Variants in CMPK2 observed in about 807,000 individuals in gnomAD.
CMPK2 encodes the protein cytidine/uridine monophosphate kinase 2, also known as UMP-CMP kinase 2, mitochondrial.
In CMPK2, 32 loss-of-function variants were observed where a neutral mutation model predicts 33.4. The ratio of observed to expected loss-of-function variants is 0.96; its 90% CI spans 0.72 to 1.29. CMPK2 has a LOEUF of 1.29. Ranked by LOEUF, CMPK2 falls within the 50% of genes most tolerant of loss-of-function variation. The probability of loss-of-function intolerance (pLI) is 0.00; values close to 1 mark genes in which losing one functional copy is unlikely to be tolerated. For missense variants in CMPK2, 672 were observed against 616.0 expected (o/e 1.09, Z -0.96); for synonymous variants, 299 against 275.3 (o/e 1.09, Z -0.85).
chr2:6,863,096 G>A (rs1036555039), intron 2 of CMPK2, among the ~76,000 whole-genome samples: 1 of 152,098 alleles, frequency 6.6e-6, no homozygotes, highest in East Asian at 1.9e-4. Context: ...CTTTGCCCAG[G>A]CTATTTCTTC....
At chr2:6,860,177 G>A (rs983147862) in intron 3 of CMPK2, among the ~76,000 whole-genome samples, 1 of 152,186 alleles carries the variant, frequency 6.6e-6, no homozygotes, top group African/African-American at 2.4e-5. Context: ...ACTGTATCTA[G>A]GAAATAACTA....
chr2:6,866,414 GCA>G, upstream of CMPK2: 1 of 984,838 alleles, frequency 1.0e-6, no homozygotes, highest in Non-Finnish European at 1.2e-6. Flanking sequence ...ACTCACCTTT[GCA>G]CACACTCACC....
chr2:6,865,451 G>C lies in CMPK2; in HGVS notation c.246C>G (p.Asp82Glu). The C allele has an allele frequency of 7.8e-7, 1 of 1,278,824 alleles. No homozygotes were observed. Among genetic ancestry groups the C allele is most frequent in the Non-Finnish European group, 9.8e-7 (1 of 1,017,672 alleles). The allele number at this position is 1,278,824 out of a possible 1,614,324, so 79.2% of individuals were successfully genotyped here. A position where few individuals can be genotyped will look rare whatever the true frequency, so the allele number is the denominator to read the frequency against. ...SYSLCVPVTP[D>E]AGCGARVRAA... ...CCCGGACCCGGGCCCCGCAGCCGGC[G>C]TCCGGGGTCACGGGCACGCACAGCG... Residue 82 changes from aspartate to glutamate, a missense_variant, in exon 1 of 5, where the codon GAC (aspartate) becomes GAG (glutamate). By Grantham distance (45) the Asp-to-Glu change is conservative (BLOSUM62 2). Transcript: ENST00000256722.
chr2:6,862,983 C>CT (rs1259858341), intron 2 of CMPK2, among the ~76,000 whole-genome samples: 2 of 151,938 alleles, frequency 1.3e-5, no homozygotes, highest in African/African-American at 2.4e-5. Flanking sequence ...GCTCAGAAGG[C>CT]TTTTTTTTCT....
chr2:6,861,391 G>C lies in CMPK2; in HGVS notation c.791-6C>G, dbSNP rs1662878493. 2.5e-6 allele frequency: 4 copies of C among 1,611,874 alleles called. No homozygotes were observed. The East Asian group carries it at 8.9e-5, about 36-fold the overall frequency. On this transcript the variant is annotated splice_polypyrimidine_tract_variant and splice_region_variant and intron_variant, in intron 2 of 4. Coordinates refer to ENST00000256722, the MANE Select transcript of CMPK2 (RefSeq NM_207315.4). ...CTGGGTCACCGTGGTTTTACCTGCA[G>C]GTCATACACAAAATATATACATCTT...
At chr2:6,861,693 C>T (rs1662887502) in intron 2 of CMPK2, among the ~76,000 whole-genome samples, 5 of 152,182 alleles carry the variant, frequency 3.3e-5, no homozygotes, top group Admixed American at 3.3e-4. Context: ...TGTCCCCCAC[C>T]CAGAAGACTT....
chr2:6,840,655 T>C (rs887437724), exon 4 of CMPK2: 4 of 701,950 alleles, frequency 5.7e-6, no homozygotes, highest in Non-Finnish European at 1.0e-5. Flanking sequence ...AGAAGGATGG[T>C]ATAAGGTTCC....
At chr2:6,860,620 T>C (rs924187702) in intron 3 of CMPK2, among the ~76,000 whole-genome samples, 2 of 152,230 alleles carry the variant, frequency 1.3e-5, no homozygotes, top group Non-Finnish European at 1.5e-5. Context: ...CCCAGCCCCA[T>C]GGAACTGTAA....
At chr2:6,865,950 G>A, upstream of CMPK2, 4 of 1,280,418 alleles carry the variant, frequency 3.1e-6, no homozygotes, top group Non-Finnish European at 4.1e-6. Context: ...GCTTGGCCCC[G>A]GGGCCCCAGG....
chr2:6,866,497 G>C (rs755199990), upstream of CMPK2: 126 of 985,096 alleles, frequency 1.3e-4, no homozygotes, highest in Non-Finnish European at 1.5e-4. Context: ...GGGAAGTGTC[G>C]CCCAGATTGG....
intron 2 of CMPK2, among the ~76,000 whole-genome samples, chr2:6,862,818 C>T (rs1662922607): frequency 6.6e-6 from 1 of 152,214 alleles, no homozygotes; most frequent in South Asian, 2.1e-4. Flanking sequence ...CAAGTTTACA[C>T]AGGAGGAGAA....
chr2:6,847,717 G>T (rs116734524), downstream of CMPK2, among the ~76,000 whole-genome samples: 1 of 152,116 alleles, frequency 6.6e-6, no homozygotes, highest in African/African-American at 2.4e-5. Context: ...GAATACAGCC[G>T]ATATGAAGAG....
In CMPK2 at chr2:6,861,236, C is replaced by T; in HGVS notation, c.940G>A (p.Val314Met). Residue 314 changes from valine (V) to methionine (M), a missense_variant, in exon 3 of 5, where the codon GTG becomes ATG. Transcript: ENST00000256722. ...GATTCTTTAGCTATTTCGGAGGCCA[C>T]AATATAATTGCCCAAAGAGTAAAAA... is the stretch of plus-strand genomic sequence containing the variant. ...RAFYSLGNYI[V>M]ASEIAKESAK... 1 of 1,614,024 alleles carries T rather than the reference C, an allele frequency of 6.2e-7. No homozygotes were observed. The highest frequency in any genetic ancestry group is 8.5e-7 in the Non-Finnish European group (1 of 1,180,004).
At position 6,851,331 on chromosome 2, in the gene CMPK2, C is replaced by T. The variant is rs956357386; in HGVS notation, c.1226+119G>A. ...GCTGAAGTAACTTAGAGGATGTTGT[C>T]TCTTGTGTTTGAAAACTGGAAACAA... On this transcript the variant is annotated intron_variant, in intron 4 of 4. Coordinates refer to ENST00000256722, the MANE Select transcript of CMPK2 (RefSeq NM_207315.4). The T allele has an allele frequency of 3.3e-6, 5 of 1,516,242 alleles. No homozygotes were observed. The Admixed American group carries it at 1.0e-4, about 31-fold the overall frequency. The allele number at this position is 1,516,242 out of a possible 1,614,324, so 93.9% of individuals were successfully genotyped here.
chr2:6,849,741 C>T lies in CMPK2; in HGVS notation c.*109G>A, dbSNP rs1194896550. The T allele has an allele frequency of 3.2e-6, 5 of 1,545,268 alleles. No homozygotes were observed. The highest frequency in any genetic ancestry group is 4.3e-6 in the Non-Finnish European group (5 of 1,154,412). The stretch of plus-strand genomic sequence containing the variant: ...ATGCCTGGTCTCCAGTTTTCTGCCA[C>T]ACAACATGCTTGTAGAACAGAAATT... On this transcript the variant is annotated 3_prime_UTR_variant, in exon 5 of 5. Coordinates refer to ENST00000256722, the MANE Select transcript of CMPK2 (RefSeq NM_207315.4).
At chr2:6,841,747 G>T (rs1257228016) in intron 3 of CMPK2, among the ~76,000 whole-genome samples, 3 of 152,090 alleles carry the variant, frequency 2.0e-5, no homozygotes, top group Admixed American at 2.0e-4. Context: ...TAGCTGTTTG[G>T]TCTGCTAGCC....
intron 3 of CMPK2, among the ~76,000 whole-genome samples, chr2:6,858,194 G>A (rs1451314908): frequency 6.6e-6 from 1 of 150,918 alleles, no homozygotes; most frequent in African/African-American, 2.4e-5. Context: ...TGTTAACCCG[G>A]GAATTTTCAC....
rs905059313 is a variant in CMPK2 at position 6,850,883 on chromosome 2, C to T, written c.1226+567G>A. The stretch of plus-strand genomic sequence containing the variant: ...GCCTGGCCAGACTCTCTTCTGCAGT[C>T]GTGTTTATAACTTTCTAATTAAAAC... On this transcript the variant is annotated intron_variant, in intron 4 of 4. Transcript: ENST00000256722. The T allele has an allele frequency of 1.8e-5, 18 of 992,172 alleles. No homozygotes were observed. In the South Asian group the frequency reaches 6.8e-4, roughly 37 times the overall value. 61.5% of individuals were successfully genotyped at this position (992,172 alleles called of 1,614,324 possible).
chr2:6,854,979 T>C (rs1038655344), intron 3 of CMPK2, among the ~76,000 whole-genome samples: 6 of 151,890 alleles, frequency 4.0e-5, no homozygotes, highest in African/African-American at 2.4e-5. Flanking sequence ...TCGAAAGTCA[T>C]ACCCTACTAG....
Sources: allele counts gnomAD v4.1 joint callset (sites outside exome capture counted in the v4.1 genomes callset), GRCh38; gene constraint gnomAD v4.1.1; transcripts MANE v1.5; gene names NCBI Gene and HGNC (gene_info 2026-07-23, HGNC 2026-07-21).